The following XXYLT1 variants were observed in gnomAD, a reference collection of about 807,000 sequenced individuals.
XXYLT1 encodes the protein UDP-xylose:alpha-xyloside alpha-1,3-xylosyltransferase.
XXYLT1 carries 20 observed loss-of-function variants against 28.9 expected under a neutral mutation model. The ratio of observed to expected loss-of-function variants is 0.69; its 90% CI spans 0.49 to 1.00. The LOEUF (loss-of-function observed/expected upper bound fraction) is 1.00, where lower values mean the gene tolerates loss of function less well. XXYLT1 is among the 50% of genes least tolerant of loss of function. XXYLT1 has a pLI of 0.00. For missense variants in XXYLT1, 542 were observed against 560.1 expected (o/e 0.97, Z 0.33); for synonymous variants, 257 against 253.8 (o/e 1.01, Z -0.12).
intron 2 of XXYLT1, chr3:195,183,695 C>A (rs56945091): frequency 0.05 from 7,546 of 152,258 alleles, 593 homozygotes; most frequent in African/African-American, 0.17. Flanking sequence ...CCAGAATGAT[C>A]CAAAGCTCTG....
chr3:195,249,315 G>A (rs1164557804), intron 1 of XXYLT1, among the ~76,000 whole-genome samples: 1 of 152,144 alleles, frequency 6.6e-6, no homozygotes, highest in Non-Finnish European at 1.5e-5. Context: ...TCAGGATCTG[G>A]CACTTCTCTA....
intron 2 of XXYLT1, among the ~76,000 whole-genome samples, chr3:195,157,678 G>A (rs911335683): frequency 3.3e-5 from 5 of 152,142 alleles, no homozygotes; most frequent in South Asian, 2.1e-4. Context: ...AGAGACATGC[G>A]GGTGGCAAAA....
At chr3:195,214,192 G>C (rs776163668) in intron 2 of XXYLT1, among the ~76,000 whole-genome samples, 5 of 152,060 alleles carry the variant, frequency 3.3e-5, no homozygotes, top group Non-Finnish European at 5.9e-5. Context: ...CCCCGTTACA[G>C]TTCACTTCTC....
At chr3:195,234,439 C>T (rs1416269566) in intron 1 of XXYLT1, among the ~76,000 whole-genome samples, 1 of 151,036 alleles carries the variant, frequency 6.6e-6, no homozygotes, top group Non-Finnish European at 1.5e-5. Context: ...CTGCCTCAGC[C>T]TCCCAAGTAG....
chr3:195,247,260 T>C (rs1051766008), intron 1 of XXYLT1, among the ~76,000 whole-genome samples: 1 of 151,984 alleles, frequency 6.6e-6, no homozygotes, highest in African/African-American at 2.4e-5. Flanking sequence ...AATCTGAGGG[T>C]GGTCGGTCAC....
intron 2 of XXYLT1, among the ~76,000 whole-genome samples, chr3:195,206,047 G>C (rs1486674969): frequency 7.1e-6 from 1 of 139,972 alleles, no homozygotes; most frequent in Non-Finnish European, 1.5e-5. Context: ...TTTTTTGAGA[G>C]GGAGTCTCAC....
At chr3:195,175,797 T>C in intron 2 of XXYLT1, 1 of 1,477,504 alleles carries the variant, frequency 6.8e-7, no homozygotes, top group East Asian at 2.6e-5. Flanking sequence ...CCAGATGGCG[T>C]CGTTACAGGA....
chr3:195,144,274 A>G (rs546028621), intron 3 of XXYLT1, among the ~76,000 whole-genome samples: 1 of 142,316 alleles, frequency 7.0e-6, no homozygotes, highest in Non-Finnish European at 1.6e-5. Flanking sequence ...ATCGGTGCAA[A>G]TGGCTGGCTA....
At chr3:195,239,574 CA>C (rs1037668279) in intron 1 of XXYLT1, among the ~76,000 whole-genome samples, 98 of 152,248 alleles carry the variant, frequency 6.4e-4, no homozygotes, top group Non-Finnish European at 1.2e-3. Flanking sequence ...GGAATGTAGA[CA>C]AAAAAGTCTG....
intron 3 of XXYLT1, among the ~76,000 whole-genome samples, chr3:195,148,277 G>T (rs1051394555): frequency 6.6e-6 from 1 of 152,176 alleles, no homozygotes; most frequent in Non-Finnish European, 1.5e-5. Context: ...AGTAATTCCT[G>T]CAGGGGTTAT....
In XXYLT1 at chr3:195,240,387, A is replaced by T. The variant is rs963374451; in HGVS notation, c.505-13531T>A. Among the ~76,000 whole-genome samples, 1 of 152,218 alleles carries T rather than the reference A, an allele frequency of 6.6e-6. No homozygotes were observed. The highest frequency in any genetic ancestry group is 1.5e-5 in the Non-Finnish European group (1 of 68,038). ...GTGCTCGCTGGCACTGAGATGCCTG[A>T]GAGCCAGGCCACCGCTCCTCTAAAC... On this transcript the variant is annotated intron_variant, in intron 1 of 3. Transcript: ENST00000310380. This position sits in a 1 kb window ranked among gnomAD's most constrained non-coding sequence, Gnocchi z 4.7.
Position 195,256,678 on chromosome 3 carries a change from G to A in XXYLT1, c.504+13877C>T, listed in dbSNP as rs1283058481. On this transcript the variant is annotated intron_variant, in intron 1 of 3. Transcript: ENST00000310380. This position sits in a 1 kb window ranked among gnomAD's most constrained non-coding sequence, Gnocchi z 4.2. ...ACAGACTGTTACTCAGAGCCGGAGCGTCCCCACTCCTCTTATGATGAGAAA... is the reference window on the plus strand; with the variant it reads ...ACAGACTGTTACTCAGAGCCGGAGCATCCCCACTCCTCTTATGATGAGAAA... 17 of 672,652 alleles carry A rather than the reference G, an allele frequency of 2.5e-5. No individual in the cohort carries two copies. The highest frequency in any genetic ancestry group is 6.3e-5 in the Admixed American group (1 of 15,874). 41.7% of individuals were successfully genotyped at this position (672,652 alleles called of 1,614,324 possible).
At chr3:195,163,075 C>T (rs149251842) in intron 2 of XXYLT1, among the ~76,000 whole-genome samples, 104 of 152,214 alleles carry the variant, frequency 6.8e-4, no homozygotes, top group African/African-American at 2.4e-3. Context: ...ACAGTTAGAC[C>T]GATGATGCTT....
chr3:195,153,594 G>A (rs1720400595), intron 3 of XXYLT1, among the ~76,000 whole-genome samples: 1 of 152,172 alleles, frequency 6.6e-6, no homozygotes, highest in Non-Finnish European at 1.5e-5. Context: ...GATGCTCAGG[G>A]TTAGAAAAAC....
intron 2 of XXYLT1, 144 bp from the exon 3 acceptor site, chr3:195,156,725 A>T (rs1720615733): frequency 9.0e-7 from 1 of 1,105,088 alleles, no homozygotes; most frequent in South Asian, 1.6e-5. Context: ...CCGCTGGAAC[A>T]AAAGGCCTTT....
chr3:195,089,924 CAAAG>C (rs1309607112), intron 3 of XXYLT1, among the ~76,000 whole-genome samples: 1 of 152,072 alleles, frequency 6.6e-6, no homozygotes, highest in African/African-American at 2.4e-5. Context: ...TAAAAAGAGA[CAAAG>C]AAGGCCATTA....
intron 3 of XXYLT1, among the ~76,000 whole-genome samples, chr3:195,088,216 T>G (rs994864326): frequency 2.6e-5 from 4 of 151,436 alleles, no homozygotes; most frequent in East Asian, 2.0e-4. Context: ...CTCTGTAGGC[T>G]CCACCTCTGG....
At position 195,226,746 on chromosome 3, in the gene XXYLT1, G is replaced by T. The variant is rs1724070629; in HGVS notation, c.615C>A (p.Phe205Leu). 4 of 1,613,944 alleles carry T rather than the reference G, an allele frequency of 2.5e-6. No individual in the cohort carries two copies. The highest frequency in any genetic ancestry group is 1.7e-6 in the Non-Finnish European group (2 of 1,179,976). Residue 205 changes from phenylalanine to leucine, a missense_variant, in exon 2 of 4, where the codon TTC (phenylalanine) becomes TTA (leucine). By Grantham distance (22) the Phe-to-Leu change is conservative. Coordinates refer to ENST00000310380, the MANE Select transcript of XXYLT1 (RefSeq NM_152531.5). ...GLGTYYSDSI[F>L]FLSVAMHQIM... ...TCTGATGCATGGCGACCGAGAGGAA[G>T]AAGATGGAGTCACTGTAGTAGGTTC...
chr3:195,256,794 C>G lies in XXYLT1; in HGVS notation c.504+13761G>C, dbSNP rs866698965. 6.6e-6 allele frequency among the ~76,000 whole-genome samples: 1 copy of G among 152,222 alleles called. No homozygotes were observed. Among genetic ancestry groups the G allele is most frequent in the Non-Finnish European group, 1.5e-5 (1 of 68,034 alleles). On this transcript the variant is annotated intron_variant, in intron 1 of 3. Coordinates refer to ENST00000310380, the MANE Select transcript of XXYLT1 (RefSeq NM_152531.5). This position sits in a 1 kb window ranked among gnomAD's most constrained non-coding sequence, Gnocchi z 4.2. ...GGATCAATAACATCTGGGCAGGACT[C>G]TGTCCACCACACTCCAGCTGAAGTG...
Sources: gnomAD v4.1 joint callset for allele counts (sites outside exome capture counted in the v4.1 genomes callset) on GRCh38, gnomAD v4.1.1 for gene constraint, Gnocchi (gnomAD v3.1) non-coding constraint, MANE v1.5 for transcripts, NCBI Gene and HGNC (gene_info 2026-07-23, HGNC 2026-07-21) for gene names.